Variants in VAPB observed in about 807,000 individuals in gnomAD.
The protein encoded by VAPB is vesicle-associated membrane protein-associated protein B/C.
A neutral mutation model predicts 25.6 loss-of-function variants in VAPB; 7 were observed. The observed-to-expected ratio is 0.27, with a 90% CI of 0.16 to 0.51. VAPB has a LOEUF of 0.51. VAPB is among the 20% of genes least tolerant of loss of function. The pLI, the probability that VAPB is intolerant of heterozygous loss-of-function variation, is 0.97. For synonymous variants in VAPB, 112 were observed against 109.2 expected (o/e 1.03, Z -0.16); for missense variants, 266 against 301.3 (o/e 0.88, Z 0.87).
intron 2 of VAPB, among the ~76,000 whole-genome samples, chr20:58,420,160 T>G (rs1292525401): frequency 6.6e-6 from 1 of 152,146 alleles, no homozygotes; most frequent in Non-Finnish European, 1.5e-5. Flanking sequence ...AATTTTTGTA[T>G]TTTTAGTAGA....
chr20:58,445,684 CTGTGTGTGTGTGTGTGTGTG>C lies in VAPB; in HGVS notation c.*1467_*1486del, dbSNP rs138225455. ...GAAATACGTGTTTCATGATTTAACTCTGTGTGTGTGTGTGTGTGTGTGTGTGTGTGTGTGTGTATTTTTTT... is the reference window on the plus strand; with the variant it reads ...GAAATACGTGTTTCATGATTTAACTCTGTGTGTGTGTGTGTGTATTTTTTT... On this transcript the variant is annotated 3_prime_UTR_variant, in exon 6 of 6. Transcript: ENST00000475243. 18 of 430,954 alleles carry C rather than the reference CTGTGTGTGTGTGTGTGTGTG, an allele frequency of 4.2e-5. No homozygotes were observed. Among genetic ancestry groups the C allele is most frequent in the Middle Eastern group, 7.3e-4 (1 of 1,378 alleles). 26.7% of individuals were successfully genotyped at this position (430,954 alleles called of 1,614,324 possible).
At chr20:58,414,909 C>T (rs149703237) in intron 1 of VAPB, among the ~76,000 whole-genome samples, 68 of 152,260 alleles carry the variant, frequency 4.5e-4, no homozygotes, top group African/African-American at 1.4e-3. Flanking sequence ...GCCGAGATCA[C>T]GCCACTGCAC....
chr20:58,444,168 C>G lies in VAPB; in HGVS notation c.665C>G (p.Thr222Ser). The G allele has an allele frequency of 4.3e-6, 7 of 1,614,212 alleles. No homozygotes were observed. The highest frequency in any genetic ancestry group is 5.9e-6 in the Non-Finnish European group (7 of 1,180,040). Residue 222 changes from threonine to serine, a missense_variant, in exon 6 of 6, where the codon ACC (threonine) becomes AGC (serine). Coordinates refer to ENST00000475243, the MANE Select transcript of VAPB (RefSeq NM_004738.5). ...ACTGGGAAGGAAGAAGGCCTTAGCA[C>G]CCGGCTCTTGGCTCTGGTGGTTTTG... ...APTGKEEGLS[T>S]RLLALVVLFF... is the part of the protein sequence containing the mutation.
intron 2 of VAPB, among the ~76,000 whole-genome samples, chr20:58,429,956 C>T (rs1268689533): frequency 7.2e-6 from 1 of 139,842 alleles, no homozygotes; most frequent in African/African-American, 2.6e-5. Flanking sequence ...CACCTATAGT[C>T]CTAGCTACTC....
At chr20:58,408,707 T>C (rs1600784009) in intron 1 of VAPB, among the ~76,000 whole-genome samples, 1 of 152,252 alleles carries the variant, frequency 6.6e-6, no homozygotes, top group Non-Finnish European at 1.5e-5. Context: ...AACCTGTATA[T>C]AAGCAGCACA....
intron 1 of VAPB, among the ~76,000 whole-genome samples, chr20:58,401,576 T>C (rs765700254): frequency 2.6e-5 from 4 of 152,144 alleles, no homozygotes; most frequent in Non-Finnish European, 4.4e-5. Flanking sequence ...CTTCCGCCCA[T>C]GTGGCCAGTT....
At chr20:58,429,063 C>T (rs552519162) in intron 2 of VAPB, among the ~76,000 whole-genome samples, 3 of 151,626 alleles carry the variant, frequency 2.0e-5, no homozygotes, top group East Asian at 1.9e-4. Flanking sequence ...AGATTGTAGG[C>T]GTGTAAATGC....
In VAPB at chr20:58,414,327, C is replaced by T. The variant is rs1988472297; in HGVS notation, c.59-3884C>T. 4.1e-5 allele frequency among the ~76,000 whole-genome samples: 6 copies of T among 144,942 alleles called. No homozygotes were observed. The South Asian group carries it at 1.1e-3, about 27-fold the overall frequency. On this transcript the variant is annotated intron_variant, in intron 1 of 5. Transcript: ENST00000475243. ...GCTGCTGGCCTGGCGGGGGGCTGAC[C>T]CCCCCCACCTCCCTCCCGGACGGGG...
chr20:58,448,616 T>G lies in VAPB; in HGVS notation c.*4381T>G, dbSNP rs1258663760. 2.2e-6 allele frequency: 1 copy of G among 454,118 alleles called. No individual in the cohort carries two copies. The highest frequency in any genetic ancestry group is 4.4e-6 in the Non-Finnish European group (1 of 226,778). 28.1% of individuals were successfully genotyped at this position (454,118 alleles called of 1,614,324 possible). A position where few individuals can be genotyped will look rare whatever the true frequency, so the allele number is the denominator to read the frequency against. On this transcript the variant is annotated 3_prime_UTR_variant, in exon 6 of 6. Transcript: ENST00000475243. Reference sequence around the variant, plus strand: ...GCTCTGAAAATCTGCTTCAGGGAAGTGAGTGGATGAGGCCTTCCTGCCTCA... The same window carrying G: ...GCTCTGAAAATCTGCTTCAGGGAAGGGAGTGGATGAGGCCTTCCTGCCTCA...
intron 1 of VAPB, among the ~76,000 whole-genome samples, chr20:58,407,004 A>T (rs1022128024): frequency 6.6e-6 from 1 of 152,254 alleles, no homozygotes; most frequent in Non-Finnish European, 1.5e-5. Context: ...TAAAGAATGC[A>T]TTGAAAAAAT....
intron 1 of VAPB, among the ~76,000 whole-genome samples, chr20:58,402,170 C>T (rs1208195921): frequency 2.0e-5 from 3 of 152,174 alleles, no homozygotes; most frequent in Non-Finnish European, 4.4e-5. Flanking sequence ...GGAAAATTAT[C>T]GATACTTGTT....
chr20:58,396,245 C>T (rs1987955905), intron 1 of VAPB, among the ~76,000 whole-genome samples: 1 of 152,204 alleles, frequency 6.6e-6, no homozygotes, highest in African/African-American at 2.4e-5. Context: ...TCACCTGTGT[C>T]AAGTGATGTC....
intron 1 of VAPB, among the ~76,000 whole-genome samples, chr20:58,404,333 T>C (rs2123033702): frequency 6.6e-6 from 1 of 152,274 alleles, no homozygotes; most frequent in South Asian, 2.1e-4. Context: ...CTTCAGCCAT[T>C]TGATGCCCCC....
intron 5 of VAPB, among the ~76,000 whole-genome samples, chr20:58,443,398 G>GTTTTTTTT (rs397773897): frequency 2.7e-5 from 3 of 112,836 alleles, no homozygotes; most frequent in African/African-American, 3.6e-5. Flanking sequence ...CCACTTTTAG[G>GTTTTTTTT]TTTTTTTTTT....
rs183683091 is a variant in VAPB at position 58,441,637 on chromosome 20, G to A, written c.573+554G>A. 2.2e-4 allele frequency among the ~76,000 whole-genome samples: 34 copies of A among 152,260 alleles called. No homozygotes were observed. The East Asian group carries it at 5.4e-3, about 24-fold the overall frequency. On this transcript the variant is annotated intron_variant, in intron 5 of 5. Coordinates refer to ENST00000475243, the MANE Select transcript of VAPB (RefSeq NM_004738.5). The stretch of plus-strand genomic sequence containing the variant: ...AGCCTGGGTGACAGAGCTAGACTTC[G>A]TCTCAAAAACAAAATAAACAAAACC...
chr20:58,401,011 T>G (rs1418865478), intron 1 of VAPB, among the ~76,000 whole-genome samples: 1 of 152,222 alleles, frequency 6.6e-6, no homozygotes, highest in Non-Finnish European at 1.5e-5. Context: ...TTCATGTAAT[T>G]TGCGGGCAGG....
chr20:58,433,380 T>G (rs1988967741), intron 2 of VAPB, among the ~76,000 whole-genome samples: 1 of 152,194 alleles, frequency 6.6e-6, no homozygotes, highest in African/African-American at 2.4e-5. Flanking sequence ...TGTGGTTGAT[T>G]GTGTGGCTCT....
Position 58,444,604 on chromosome 20 carries a change from G to A in VAPB, c.*369G>A, listed in dbSNP as rs1333421175. On this transcript the variant is annotated 3_prime_UTR_variant, in exon 6 of 6. Transcript: ENST00000475243. The stretch of plus-strand genomic sequence containing the variant: ...ATGACACCCTTCCTCGCCTGTTGGT[G>A]CTGGCCCTTGGGGAGCTGGAGCCCA... 1 of 456,650 alleles carries A rather than the reference G, an allele frequency of 2.2e-6. No individual in the cohort carries two copies. The highest frequency in any genetic ancestry group is 2.3e-5 in the Admixed American group (1 of 42,634). The allele number at this position is 456,650 out of a possible 1,614,324, so 28.3% of individuals were successfully genotyped here. A position where few individuals can be genotyped will look rare whatever the true frequency, so the allele number is the denominator to read the frequency against.
chr20:58,402,580 T>TTG, intron 1 of VAPB, among the ~76,000 whole-genome samples: 1 of 150,918 alleles, frequency 6.6e-6, no homozygotes, highest in Non-Finnish European at 1.5e-5. Context: ...TTTTTTTTTT[T>TTG]TAGATTGTGT....
Sources: allele counts gnomAD v4.1 joint callset (sites outside exome capture counted in the v4.1 genomes callset), GRCh38; gene constraint gnomAD v4.1.1; transcripts MANE v1.5; gene names NCBI Gene and HGNC (gene_info 2026-07-23, HGNC 2026-07-21).